CDHR5: variants seen among roughly 807,000 people sequenced by gnomAD.
CDHR5 encodes cadherin-related family member 5.
Under a neutral mutation model 69.5 loss-of-function variants are expected in CDHR5, and 82 were observed. That is an observed-to-expected ratio of 1.18 (90% CI 0.99 to 1.42). CDHR5 has a LOEUF of 1.42. CDHR5 is among the 40% of genes most tolerant of loss of function. The pLI is 0.00. For missense variants in CDHR5, 1,293 were observed against 1,168.9 expected (o/e 1.11, Z -1.55); for synonymous variants, 601 against 510.2 (o/e 1.18, Z -2.40).
chr11:624,077 T>G lies in CDHR5; in HGVS notation c.312+136A>C. 3 of 649,354 alleles carry G rather than the reference T, an allele frequency of 4.6e-6. No individual in the cohort carries two copies. The allele number at this position is 649,354 out of a possible 1,614,324, so 40.2% of individuals were successfully genotyped here. On this transcript the variant is annotated intron_variant, in intron 3 of 14. Coordinates refer to ENST00000397542, the MANE Select transcript of CDHR5 (RefSeq NM_021924.5). The surrounding 1 kb of genome is among the most constrained non-coding windows in gnomAD (Gnocchi z 5.3). Reference sequence around the variant, plus strand: ...AGGGCAGAGTCTGGACTGGAGGAAATGTGGGCATCACCCTCGGGGGGGTGG... The same window carrying G: ...AGGGCAGAGTCTGGACTGGAGGAAAGGTGGGCATCACCCTCGGGGGGGTGG...
chr11:618,137 C>A, intron 13 of CDHR5, 26 bp from the exon 14 acceptor site: 1 of 1,585,122 alleles, frequency 6.3e-7, no homozygotes, highest in Non-Finnish European at 8.6e-7. Context: ...AAAACGTCAT[C>A]ATCCCCGCAC....
chr11:618,305 C>G (rs1254500516), intron 13 of CDHR5, among the ~76,000 whole-genome samples, 194 bp from the exon 14 acceptor site: 1 of 152,214 alleles, frequency 6.6e-6, no homozygotes, highest in Non-Finnish European at 1.5e-5. Flanking sequence ...CCCTCCCCCC[C>G]GGGAGGCCAA....
intron 3 of CDHR5, among the ~76,000 whole-genome samples, chr11:623,275 C>T (rs904057185): frequency 1.3e-5 from 2 of 152,258 alleles, no homozygotes; most frequent in South Asian, 2.1e-4. Flanking sequence ...CTCCACTGCA[C>T]GCCAGCCTGG....
In CDHR5 at chr11:617,253, G is replaced by A; in HGVS notation, c.*98C>T. ...GCGCGCCTGCCCCACGCCATGGCCT[G>A]GGTTTCGGGAGCCTTGCTTTATTCT... is the stretch of plus-strand genomic sequence containing the variant. On this transcript the variant is annotated 3_prime_UTR_variant, in exon 15 of 15. Transcript: ENST00000397542. The A allele has an allele frequency of 1.0e-6, 1 of 993,712 alleles. No homozygotes were observed. The highest frequency in any genetic ancestry group is 1.5e-6 in the Non-Finnish European group (1 of 670,048). The allele number at this position is 993,712 out of a possible 1,614,324, so 61.6% of individuals were successfully genotyped here.
chr11:618,770 G>C lies in CDHR5; in HGVS notation c.1789C>G (p.Pro597Ala), dbSNP rs766775429. The change falls in exon 13 of 15, where the codon CCC (proline) becomes GCC (alanine). Residue 597 changes from proline (P) to alanine (A), a missense_variant. Pro to Ala is a conservative substitution (Grantham distance 27). Coordinates refer to ENST00000397542, the MANE Select transcript of CDHR5 (RefSeq NM_021924.5). ...GTSTSHQPAT[P>A]GGGTAQTPEA... is the part of the protein sequence containing the mutation. Reference sequence around the variant, plus strand: ...GGGGTCTGTGCTGTGCCCCCACCGGGTGTGGCTGGTTGGTGGGAGGTGCTG... The same window carrying C: ...GGGGTCTGTGCTGTGCCCCCACCGGCTGTGGCTGGTTGGTGGGAGGTGCTG... 26 of 1,605,934 alleles carry C rather than the reference G, an allele frequency of 1.6e-5. 1 individual carries two copies. The highest frequency in any genetic ancestry group is 8.8e-5 in the South Asian group (8 of 90,560).
chr11:623,316 A>T (rs1435968171), intron 3 of CDHR5, among the ~76,000 whole-genome samples: 2 of 152,030 alleles, frequency 1.3e-5, no homozygotes, highest in Non-Finnish European at 2.9e-5. Flanking sequence ...CTCAAAAAAG[A>T]GTCTCTCTCT....
At chr11:622,145 G>A (rs1427758026) in intron 3 of CDHR5, among the ~76,000 whole-genome samples, 1 of 150,768 alleles carries the variant, frequency 6.6e-6, no homozygotes, top group African/African-American at 2.4e-5. Flanking sequence ...CGTCCCCGCC[G>A]TGAGTGGGGT....
In CDHR5 at chr11:624,301, C is replaced by G; in HGVS notation, c.262-38G>C. Reference sequence around the variant, plus strand: ...ACAGGTCTGCAGTCACCGTCCTGCCCCACAGGTGGGGAGACTGAGGCCAAG... The same window carrying G: ...ACAGGTCTGCAGTCACCGTCCTGCCGCACAGGTGGGGAGACTGAGGCCAAG... On this transcript the variant is annotated intron_variant, in intron 2 of 14. Coordinates refer to ENST00000397542, the MANE Select transcript of CDHR5 (RefSeq NM_021924.5). The surrounding 1 kb of genome is among the most constrained non-coding windows in gnomAD (Gnocchi z 5.3). 1.3e-6 allele frequency: 1 copy of G among 747,122 alleles called. No individual in the cohort carries two copies. Among genetic ancestry groups the G allele is most frequent in the Non-Finnish European group, 2.5e-6 (1 of 401,528 alleles). The allele number at this position is 747,122 out of a possible 1,614,324, so 46.3% of individuals were successfully genotyped here.
Position 624,596 on chromosome 11 carries a change from C to T in CDHR5, c.222G>A (p.Gln74=), listed in dbSNP as rs146786457. 639 of 1,610,468 alleles carry T rather than the reference C, an allele frequency of 4.0e-4. No individual in the cohort carries two copies. The highest frequency in any genetic ancestry group is 5.3e-4 in the Non-Finnish European group (621 of 1,177,492). The stretch of plus-strand genomic sequence containing the variant: ...TCACGTTGAGAAACAGCTGGTTTCC[C>T]TGGATCCGAAATGCAAAGGGGGTGG... The part of the protein sequence containing the change: ...ALSTPFAFRI[Q]GNQLFLNVTP... Residue 74 remains glutamine, a synonymous_variant, in exon 2 of 15, where the codon CAG becomes CAA. Transcript: ENST00000397542. This position sits in a 1 kb window ranked among gnomAD's most constrained non-coding sequence, Gnocchi z 5.3.
chr11:620,044 C>T (rs201017967), intron 9 of CDHR5, 23 bp downstream of exon 9: 13 of 1,562,754 alleles, frequency 8.3e-6, no homozygotes, highest in Admixed American at 3.5e-5. Flanking sequence ...CTGCCCTGCC[C>T]CCCATGCAGG....
In CDHR5 at chr11:619,470, G is replaced by A. The variant is rs759237179; in HGVS notation, c.1293+4C>T. The A allele has an allele frequency of 5.0e-6, 8 of 1,608,448 alleles. No individual in the cohort carries two copies. Among genetic ancestry groups the A allele is most frequent in the South Asian group, 2.2e-5 (2 of 90,960 alleles). On this transcript the variant is annotated splice_donor_region_variant and intron_variant, in intron 11 of 14. Coordinates refer to ENST00000397542, the MANE Select transcript of CDHR5 (RefSeq NM_021924.5). ...TGGAGATGCCCGCCTGCCCTGCCCC[G>A]CACCTCTGCGTAGAAGGCTCCCGCC...
rs1260541185 is a variant in CDHR5 at position 621,772 on chromosome 11, A to T, written c.405+40T>A. ...CCTCCTGCCCTCACCCTGGGCTCCC[A>T]CACCCCCGTGCCCAGTCCCCGCGGC... On this transcript the variant is annotated intron_variant, in intron 4 of 14. Transcript: ENST00000397542. This position sits in a 1 kb window ranked among gnomAD's most constrained non-coding sequence, Gnocchi z 4.4. 6.3e-7 allele frequency: 1 copy of T among 1,579,972 alleles called. No homozygotes were observed. Among genetic ancestry groups the T allele is most frequent in the South Asian group, 1.1e-5 (1 of 89,866 alleles).
Position 618,768 on chromosome 11 carries a change from G to C in CDHR5, c.1791C>G (p.Pro597=), listed in dbSNP as rs773418617. 5.6e-6 allele frequency: 9 copies of C among 1,605,980 alleles called. No individual in the cohort carries two copies. Among genetic ancestry groups the C allele is most frequent in the Non-Finnish European group, 6.8e-6 (8 of 1,178,138 alleles). ...GTSTSHQPAT[P]GGGTAQTPEA... ...CTGGGGTCTGTGCTGTGCCCCCACC[G>C]GGTGTGGCTGGTTGGTGGGAGGTGC... The change falls in exon 13 of 15, where the codon CCC becomes CCG. Residue 597 remains proline, a synonymous_variant. Transcript: ENST00000397542.
chr11:617,384 G>A lies in CDHR5; in HGVS notation c.2505C>T (p.Tyr835=), dbSNP rs774427670. The change falls in exon 15 of 15, where the codon TAC becomes TAT. Residue 835 remains tyrosine, a synonymous_variant. Coordinates refer to ENST00000397542, the MANE Select transcript of CDHR5 (RefSeq NM_021924.5). ...AGGAGTCATCACCACCGGGCGCATC[G>A]TAGGGACCCCCACCCCTCCCCGCGC... is the stretch of plus-strand genomic sequence containing the variant. ...GEGAGRGGGP[Y]DAPGGDDSYI is the part of the protein sequence containing the mutation. 6.2e-6 allele frequency: 10 copies of A among 1,609,834 alleles called. No homozygotes were observed. The highest frequency in any genetic ancestry group is 4.4e-5 in the South Asian group (4 of 90,856).
chr11:622,247 A>C (rs1857456956), intron 3 of CDHR5, among the ~76,000 whole-genome samples: 1 of 152,252 alleles, frequency 6.6e-6, no homozygotes, highest in South Asian at 2.1e-4. Context: ...TTCAGAGATC[A>C]CAAGAGACAA....
intron 3 of CDHR5, among the ~76,000 whole-genome samples, chr11:622,831 G>A (rs527367446): frequency 6.6e-6 from 1 of 152,136 alleles, no homozygotes; most frequent in East Asian, 1.9e-4. Flanking sequence ...TGGGAAAAGC[G>A]GTCACTTTCT....
Position 624,322 on chromosome 11 carries a change from C to A in CDHR5, c.262-59G>T. ...TGCCCCACAGGTGGGGAGACTGAGGCCAAGTGGGCAGGCGCTGGCCCAGGG... is the reference window on the plus strand; with the variant it reads ...TGCCCCACAGGTGGGGAGACTGAGGACAAGTGGGCAGGCGCTGGCCCAGGG... On this transcript the variant is annotated intron_variant, in intron 2 of 14. Coordinates refer to ENST00000397542, the MANE Select transcript of CDHR5 (RefSeq NM_021924.5). This position sits in a 1 kb window ranked among gnomAD's most constrained non-coding sequence, Gnocchi z 5.3. 1 of 736,038 alleles carries A rather than the reference C, an allele frequency of 1.4e-6. No homozygotes were observed. Among genetic ancestry groups the A allele is most frequent in the Non-Finnish European group, 2.5e-6 (1 of 395,890 alleles). The allele number at this position is 736,038 out of a possible 1,614,324, so 45.6% of individuals were successfully genotyped here.
rs554478114 is a variant in CDHR5 at position 618,714 on chromosome 11, G to C, written c.1845C>G (p.Pro615=). Residue 615 remains proline, a synonymous_variant, in exon 13 of 15, where the codon CCC becomes CCG. Transcript: ENST00000397542. Reference sequence around the variant, plus strand: ...GGTGGGAGGTGCTGGTTCCCATACCGGGGGGCATCGGCTGAGAGGTTCCTG... The same window carrying C: ...GGTGGGAGGTGCTGGTTCCCATACCCGGGGGCATCGGCTGAGAGGTTCCTG... ...PEAGTSQPMP[P]GMGTSTSHQP... is the part of the protein sequence containing the mutation. 6.3e-7 allele frequency: 1 copy of C among 1,586,886 alleles called. No individual in the cohort carries two copies. The highest frequency in any genetic ancestry group is 8.6e-7 in the Non-Finnish European group (1 of 1,166,886).
chr11:618,195 G>A (rs1857097846), intron 13 of CDHR5, 84 bp from the exon 14 acceptor site: 7 of 1,203,714 alleles, frequency 5.8e-6, no homozygotes, highest in South Asian at 2.8e-5. Flanking sequence ...CCAGGCTTGG[G>A]ACACTTGGGT....
Sources: allele counts gnomAD v4.1 joint callset (sites outside exome capture counted in the v4.1 genomes callset), GRCh38; gene constraint gnomAD v4.1.1; non-coding constraint Gnocchi (gnomAD v3.1); transcripts MANE v1.5; gene names NCBI Gene and HGNC (gene_info 2026-07-23, HGNC 2026-07-21).